The following PRKD1 variants were observed in gnomAD, a reference collection of about 807,000 sequenced individuals.
The protein encoded by PRKD1 is protein kinase D1.
Under a neutral mutation model 95.9 loss-of-function variants are expected in PRKD1, and 63 were observed. That is an observed-to-expected ratio of 0.66 (90% CI 0.54 to 0.81). The LOEUF (loss-of-function observed/expected upper bound fraction) is 0.81. Among genes scored for constraint, PRKD1 ranks in the 30% least tolerant of loss-of-function variants. The probability of loss-of-function intolerance (pLI) is 0.00; values close to 1 mark genes in which losing one functional copy is unlikely to be tolerated. For missense variants in PRKD1, 1,048 were observed against 1,165.3 expected, an observed-to-expected ratio of 0.90 and a Z score of 1.47; for synonymous variants, 425 against 423.1, an observed-to-expected ratio of 1.00 and a Z score of -0.05.
At chr14:29,833,748 T>C (rs952998974) in intron 1 of PRKD1, among the ~76,000 whole-genome samples, 2 of 152,146 alleles carry the variant, frequency 1.3e-5, no homozygotes, top group Non-Finnish European at 2.9e-5. Context: ...AACTTTACTT[T>C]GGTTGACTTA....
chr14:29,719,975 A>G (rs773858723), intron 2 of PRKD1, among the ~76,000 whole-genome samples: 6 of 152,244 alleles, frequency 3.9e-5, no homozygotes, highest in Non-Finnish European at 7.3e-5. Flanking sequence ...AGCATGCACC[A>G]AAGTTCTAAA....
intron 13 of PRKD1, among the ~76,000 whole-genome samples, chr14:29,621,046 T>C (rs925525319): frequency 1.3e-5 from 2 of 151,512 alleles, no homozygotes; most frequent in Non-Finnish European, 2.9e-5. Context: ...TGTAGGGACA[T>C]GGATGAAATT....
chr14:29,892,086 C>T (rs1566657753), intron 1 of PRKD1, among the ~76,000 whole-genome samples: 1 of 152,172 alleles, frequency 6.6e-6, no homozygotes, highest in Non-Finnish European at 1.5e-5. Context: ...CCTCTCAATA[C>T]ATGAAGGATT....
At chr14:29,795,129 A>G (rs1022614238) in intron 1 of PRKD1, among the ~76,000 whole-genome samples, 4 of 152,026 alleles carry the variant, frequency 2.6e-5, no homozygotes, top group African/African-American at 7.2e-5. Context: ...ATTTTCATTC[A>G]TTGTCTAAAT....
chr14:29,632,895 T>C lies in PRKD1; in HGVS notation c.1366A>G (p.Asn456Asp). Residue 456 changes from asparagine (N) to aspartate (D), a missense_variant, in exon 9 of 18, where the codon AAT becomes GAT. Around this residue, in one of 3 missense-constraint regions of PRKD1, gnomAD observed 739 missense variants for 861.9 expected, o/e 0.86. Coordinates refer to ENST00000331968, the MANE Select transcript of PRKD1 (RefSeq NM_002742.3). Reference protein sequence around the residue: ...LDSKCITLFQNDTGSRYYKEI... With the variant: ...LDSKCITLFQDDTGSRYYKEI... ...TTGTAGTACCTGCTTCCTGTGTCAT[T>C]CTGAAAGAGGGTAATACATTTGCTA... The C allele has an allele frequency of 1.9e-6, 3 of 1,613,620 alleles. No homozygotes were observed. Among genetic ancestry groups the C allele is most frequent in the Non-Finnish European group, 2.5e-6 (3 of 1,179,560 alleles).
At chr14:29,589,448 A>C (rs1893049105) in intron 16 of PRKD1, among the ~76,000 whole-genome samples, 1 of 152,168 alleles carries the variant, frequency 6.6e-6, no homozygotes, top group African/African-American at 2.4e-5. Context: ...AATTCTGAGC[A>C]AATAAAGGAA....
intron 1 of PRKD1, among the ~76,000 whole-genome samples, chr14:29,763,037 C>T (rs956406638): frequency 6.6e-6 from 1 of 150,800 alleles, no homozygotes; most frequent in African/African-American, 2.4e-5. Flanking sequence ...AGCCACTGCA[C>T]CCAGCCTATG....
chr14:29,707,999 A>C lies in PRKD1; in HGVS notation c.403+17537T>G, dbSNP rs566072968. Among the ~76,000 whole-genome samples, 3 of 152,258 alleles carry C rather than the reference A, an allele frequency of 2.0e-5. No homozygotes were observed. The South Asian group carries it at 6.2e-4, about 32-fold the overall frequency. On this transcript the variant is annotated intron_variant, in intron 2 of 17. Coordinates refer to ENST00000331968, the MANE Select transcript of PRKD1 (RefSeq NM_002742.3). ...TTCTAACAGCAGCTCCTTGACCATC[A>C]AAGGTAATTTTGTCAACCTTACATT...
chr14:29,848,157 C>A (rs1178811089), intron 1 of PRKD1, among the ~76,000 whole-genome samples: 1 of 152,148 alleles, frequency 6.6e-6, no homozygotes. Flanking sequence ...CATACAGAAA[C>A]TTGCATACAG....
intron 1 of PRKD1, among the ~76,000 whole-genome samples, chr14:29,735,932 C>G (rs745368591): frequency 2.0e-5 from 3 of 151,974 alleles, no homozygotes; most frequent in Non-Finnish European, 4.4e-5. Context: ...AGAATAATAC[C>G]AAAATATGCT....
intron 13 of PRKD1, among the ~76,000 whole-genome samples, chr14:29,606,019 T>C (rs1893691372): frequency 6.6e-6 from 1 of 152,130 alleles, no homozygotes; most frequent in African/African-American, 2.4e-5. Context: ...TTTTTTCTTT[T>C]CCTTTTTTTT....
intron 1 of PRKD1, among the ~76,000 whole-genome samples, chr14:29,810,311 TA>T (rs561166955): frequency 1.3e-5 from 2 of 152,112 alleles, no homozygotes; most frequent in South Asian, 2.1e-4. Flanking sequence ...CCTTGAATTG[TA>T]AAAAAAATGC....
At chr14:29,711,179 T>C (rs1251663659) in intron 2 of PRKD1, among the ~76,000 whole-genome samples, 1 of 152,130 alleles carries the variant, frequency 6.6e-6, no homozygotes, top group Admixed American at 6.5e-5. Context: ...GGTGGTATAT[T>C]GAGGCTATAT....
chr14:29,742,031 T>C (rs1166573568), intron 1 of PRKD1, among the ~76,000 whole-genome samples: 1 of 152,150 alleles, frequency 6.6e-6, no homozygotes, highest in African/African-American at 2.4e-5. Context: ...AAAAATCTCA[T>C]TTCCCAAAGC....
At chr14:29,854,677 C>T (rs1416526961) in intron 1 of PRKD1, among the ~76,000 whole-genome samples, 1 of 152,186 alleles carries the variant, frequency 6.6e-6, no homozygotes, top group Non-Finnish European at 1.5e-5. Flanking sequence ...ATCCCCAAGA[C>T]AATGGGAAAA....
Position 29,611,765 on chromosome 14 carries a change from C to T in PRKD1, c.1906-11948G>A, listed in dbSNP as rs112748995. Among the ~76,000 whole-genome samples the T allele has an allele frequency of 5.5e-3, 632 of 114,256 alleles. 3 individuals carry two copies. Among genetic ancestry groups the T allele is most frequent in the African/African-American group, 0.017 (581 of 34,602 alleles). The allele number at this position is 114,256 out of a possible 152,430, so 75.0% of individuals were successfully genotyped here. On this transcript the variant is annotated intron_variant, in intron 13 of 17. Coordinates refer to ENST00000331968, the MANE Select transcript of PRKD1 (RefSeq NM_002742.3). ...TATTACCAAAAAAAAAAAAAACAAA[C>T]GCTGGAATCTACATGAAGCTGTTTA... is the stretch of plus-strand genomic sequence containing the variant.
At chr14:29,890,322 C>T (rs191262985) in intron 1 of PRKD1, among the ~76,000 whole-genome samples, 70 of 152,190 alleles carry the variant, frequency 4.6e-4, no homozygotes, top group African/African-American at 1.6e-3. Context: ...TGAAAGTGAG[C>T]GCTTCATCAA....
intron 1 of PRKD1, among the ~76,000 whole-genome samples, chr14:29,896,544 G>C (rs1894133380): frequency 2.0e-5 from 3 of 152,132 alleles, no homozygotes; most frequent in Admixed American, 2.0e-4. Flanking sequence ...ATTTCTGCCT[G>C]CATCGGCAAA....
Position 29,821,666 on chromosome 14 carries a change from A to G in PRKD1, c.265-95992T>C, listed in dbSNP as rs1307292827. Among the ~76,000 whole-genome samples, 3 of 152,226 alleles carry G rather than the reference A, an allele frequency of 2.0e-5. No homozygotes were observed. The South Asian group carries it at 6.2e-4, about 32-fold the overall frequency. On this transcript the variant is annotated intron_variant, in intron 1 of 17. Coordinates refer to ENST00000331968, the MANE Select transcript of PRKD1 (RefSeq NM_002742.3). The stretch of plus-strand genomic sequence containing the variant: ...AGGGCTTATAAAGCAACATAAAGGA[A>G]AAAAGGTTCACAAACTAATTCTTGA...
Sources: allele counts gnomAD v4.1 joint callset (sites outside exome capture counted in the v4.1 genomes callset), GRCh38; gene constraint gnomAD v4.1.1; regional missense constraint gnomAD v4.1.1; transcripts MANE v1.5; gene names NCBI Gene and HGNC (gene_info 2026-07-23, HGNC 2026-07-21).